The following COL27A1 variants were observed in gnomAD, a reference collection of about 807,000 sequenced individuals.
COL27A1 encodes the protein collagen type XXVII alpha 1 chain.
Under a neutral mutation model 251.3 loss-of-function variants are expected in COL27A1, and 106 were observed. The ratio of observed to expected loss-of-function variants is 0.42; its 90% confidence interval spans 0.36 to 0.50. The LOEUF is 0.50. Among genes scored for constraint, COL27A1 ranks in the 20% least tolerant of loss-of-function variants. COL27A1 has a pLI of 0.00. For synonymous variants in COL27A1, 1,000 were observed against 986.3 expected (o/e 1.01, Z -0.26); for missense variants, 2,325 against 2,522.8 (o/e 0.92, Z 1.68).
chr9:114,301,381 C>T, intron 53 of COL27A1, 62 bp downstream of exon 53: 1 of 1,612,566 alleles, frequency 6.2e-7, no homozygotes, highest in Non-Finnish European at 8.5e-7. Flanking sequence ...GGGTGGGCTC[C>T]CAGAGTTGGG....
In COL27A1 at chr9:114,171,201, T is replaced by C. The variant is rs538193851; in HGVS notation, c.1908+1738T>C. ...TGGTCAGTCAGTGGTTGCTTGGGGA[T>C]GACTTAGTTCAACTTTCCTCATTGG... On this transcript the variant is annotated intron_variant, in intron 3 of 60. Coordinates refer to ENST00000356083, the MANE Select transcript of COL27A1 (RefSeq NM_032888.4). Among the ~76,000 whole-genome samples the C allele has an allele frequency of 3.7e-4, 57 of 152,178 alleles. 1 individual carries two copies. In the South Asian group the frequency reaches 0.012, roughly 32 times the overall value.
At chr9:114,279,971 T>C (rs1295674769) in intron 37 of COL27A1, among the ~76,000 whole-genome samples, 3 of 152,214 alleles carry the variant, frequency 2.0e-5, no homozygotes, top group African/African-American at 7.2e-5. Flanking sequence ...GCACTCTTTT[T>C]GTAGTAAGTC....
intron 24 of COL27A1, among the ~76,000 whole-genome samples, chr9:114,248,381 T>C (rs1026995670): frequency 2.0e-5 from 3 of 152,194 alleles, no homozygotes; most frequent in Non-Finnish European, 4.4e-5. Context: ...GTGCCTAGCA[T>C]ATGAGAGGAG....
chr9:114,245,923 C>T lies in COL27A1; in HGVS notation c.2979+13C>T, dbSNP rs775104920. 22 of 1,612,018 alleles carry T rather than the reference C, an allele frequency of 1.4e-5. No homozygotes were observed. The highest frequency in any genetic ancestry group is 6.7e-5 in the Admixed American group (4 of 59,800). On this transcript the variant is annotated intron_variant, in intron 24 of 60. Transcript: ENST00000356083. Reference sequence around the variant, plus strand: ...TGTGGGAGAGCAGGTTAGTTAGCAACGGTCTCTGAATGAGTGGCTCCATTT... The same window carrying T: ...TGTGGGAGAGCAGGTTAGTTAGCAATGGTCTCTGAATGAGTGGCTCCATTT...
Position 114,178,349 on chromosome 9 carries a change from G to C in COL27A1, c.1962+5G>C, listed in dbSNP as rs1827629919. On this transcript the variant is annotated splice_donor_5th_base_variant and intron_variant, in intron 4 of 60. Transcript: ENST00000356083. Reference sequence around the variant, plus strand: ...CCTGGTGCACGTGGGCCTCGGGTGAGTTATCTCACACTGTCCTTTGGAACT... The same window carrying C: ...CCTGGTGCACGTGGGCCTCGGGTGACTTATCTCACACTGTCCTTTGGAACT... 6.2e-7 allele frequency: 1 copy of C among 1,613,738 alleles called. No individual in the cohort carries two copies. Among genetic ancestry groups the C allele is most frequent in the African/African-American group, 1.3e-5 (1 of 74,900 alleles).
intron 28 of COL27A1, 50 bp downstream of exon 28, chr9:114,258,644 C>T (rs374653639): frequency 6.3e-7 from 1 of 1,580,504 alleles, no homozygotes; most frequent in Non-Finnish European, 8.7e-7. Context: ...AGGGGGCACA[C>T]TTGGAACAGG....
At position 114,250,650 on chromosome 9, in the gene COL27A1, AGGAATCGTG is replaced by A; in HGVS notation, c.3019_3027del (p.Ile1007_Gly1009del). ...GATTCATTGGTCTGGTCGGGGAGCC[AGGAATCGTG>A]GGAGAAAAGGTAAGTGGTGTTGAGG... On this transcript the variant is annotated inframe_deletion, in exon 25 of 61. Coordinates refer to ENST00000356083, the MANE Select transcript of COL27A1 (RefSeq NM_032888.4). 1 of 1,612,126 alleles carries A rather than the reference AGGAATCGTG, an allele frequency of 6.2e-7. No homozygotes were observed. Among genetic ancestry groups the A allele is most frequent in the Non-Finnish European group, 8.5e-7 (1 of 1,178,282 alleles).
At chr9:114,245,633 C>G (rs919704828) in intron 23 of COL27A1, among the ~76,000 whole-genome samples, 1 of 152,182 alleles carries the variant, frequency 6.6e-6, no homozygotes, top group African/African-American at 2.4e-5. Context: ...GCTGAGTAAG[C>G]CAAGGCCCCC....
In COL27A1 at chr9:114,180,046, G is replaced by T. The variant is rs534098507; in HGVS notation, c.1962+1702G>T. On this transcript the variant is annotated intron_variant, in intron 4 of 60. Coordinates refer to ENST00000356083, the MANE Select transcript of COL27A1 (RefSeq NM_032888.4). ...GTAGACATGGGGTTTCACCATGTTA[G>T]CCAGGCTGGTCTCAAACTGCTGACC... is the stretch of plus-strand genomic sequence containing the variant. Among the ~76,000 whole-genome samples the T allele has an allele frequency of 5.9e-5, 9 of 152,014 alleles. No individual in the cohort carries two copies. In the South Asian group the frequency reaches 1.9e-3, roughly 32 times the overall value.
chr9:114,298,823 A>G (rs1588892229), intron 49 of COL27A1, among the ~76,000 whole-genome samples: 1 of 152,232 alleles, frequency 6.6e-6, no homozygotes, highest in East Asian at 1.9e-4. Flanking sequence ...TTCCAAAGGC[A>G]CCATCAAGAA....
chr9:114,304,293 C>T (rs928224212), intron 56 of COL27A1, among the ~76,000 whole-genome samples: 8 of 152,278 alleles, frequency 5.3e-5, no homozygotes, highest in East Asian at 3.9e-4. Flanking sequence ...TACTATAGTG[C>T]GGCTGGTGCC....
intron 25 of COL27A1, 148 bp downstream of exon 25, chr9:114,250,816 T>G: frequency 1.5e-6 from 1 of 687,690 alleles, no homozygotes; most frequent in Non-Finnish European, 2.6e-6. Flanking sequence ...CCAAGAGACA[T>G]TGTTCCCTTT....
intron 1 of COL27A1, among the ~76,000 whole-genome samples, chr9:114,157,054 C>T (rs1381979107): frequency 6.6e-6 from 1 of 151,236 alleles, no homozygotes; most frequent in African/African-American, 2.4e-5. Flanking sequence ...GCGATTCCCC[C>T]GCCCCGCACC....
Position 114,231,102 on chromosome 9 carries a change from G to T in COL27A1, c.2490G>T (p.Pro830=). The stretch of plus-strand genomic sequence containing the variant: ...AGGGTGACTTAGGAGTGTTGGGTCC[G>T]ATTGGCTACCCGGGACCCAAGGGCA... ...GLIGDLGVLG[P]IGYPGPKGMK... The change falls in exon 15 of 61, where the codon CCG becomes CCT. Residue 830 remains proline, a synonymous_variant. Coordinates refer to ENST00000356083, the MANE Select transcript of COL27A1 (RefSeq NM_032888.4). 6.2e-7 allele frequency: 1 copy of T among 1,613,384 alleles called. No individual in the cohort carries two copies.
At chr9:114,289,589 CTG>C (rs1348689503) in intron 45 of COL27A1, among the ~76,000 whole-genome samples, 4 of 152,156 alleles carry the variant, frequency 2.6e-5, no homozygotes, top group African/African-American at 4.8e-5. Context: ...AGAGAGAAAA[CTG>C]GGAGAAGTCA....
intron 36 of COL27A1, 55 bp downstream of exon 36, chr9:114,270,836 A>G: frequency 7.6e-7 from 1 of 1,322,110 alleles, no homozygotes; most frequent in Non-Finnish European, 1.1e-6. Context: ...TTGCTTTCCC[A>G]TCCAAGACCT....
In COL27A1 at chr9:114,292,164, C is replaced by T. The variant is rs953786825; in HGVS notation, c.4538C>T (p.Thr1513Met). Residue 1513 changes from threonine to methionine, a missense_variant, in exon 49 of 61, where the codon ACG (threonine) becomes ATG (methionine). Coordinates refer to ENST00000356083, the MANE Select transcript of COL27A1 (RefSeq NM_032888.4). ...PPGKRGTEGR[T>M]GLPGNQGEPG... Reference sequence around the variant, plus strand: ...GGCAAGCGAGGAACAGAGGGCAGAACGGGGCTCCCTGGAAACCAGGGGGAG... The same window carrying T: ...GGCAAGCGAGGAACAGAGGGCAGAATGGGGCTCCCTGGAAACCAGGGGGAG... The T allele has an allele frequency of 4.0e-5, 62 of 1,561,020 alleles. No homozygotes were observed. The Middle Eastern group carries it at 6.6e-4, about 17-fold the overall frequency.
intron 7 of COL27A1, among the ~76,000 whole-genome samples, chr9:114,197,284 G>A (rs1829211900): frequency 6.6e-6 from 1 of 152,032 alleles, no homozygotes; most frequent in Non-Finnish European, 1.5e-5. Context: ...TTCTTGCCTT[G>A]AGAGCCCCAT....
intron 25 of COL27A1, among the ~76,000 whole-genome samples, chr9:114,251,068 C>G (rs1833509661): frequency 6.6e-6 from 1 of 152,166 alleles, no homozygotes; most frequent in Non-Finnish European, 1.5e-5. Context: ...GGGGAGGTGA[C>G]TTACTCCAGG....
Sources: gnomAD v4.1 joint callset for allele counts (sites outside exome capture counted in the v4.1 genomes callset) on GRCh38, gnomAD v4.1.1 for gene constraint, MANE v1.5 for transcripts, NCBI Gene and HGNC (gene_info 2026-07-23, HGNC 2026-07-21) for gene names.